The following DNAH14 variants were observed in gnomAD, a reference collection of about 807,000 sequenced individuals.
The protein encoded by DNAH14 is dynein axonemal heavy chain 14.
A neutral mutation model predicts 520.9 loss-of-function variants in DNAH14; 478 were observed. The observed-to-expected ratio is 0.92, with a 90% CI of 0.85 to 0.99. The LOEUF is 0.99. Ranked by LOEUF, DNAH14 falls within the 50% of genes least tolerant of loss-of-function variation. DNAH14 has a pLI of 0.00. For missense variants in DNAH14, 4,831 were observed against 5,234.5 expected, an observed-to-expected ratio of 0.92 and a Z score of 2.38; for synonymous variants, 1,581 against 1,757.2, an observed-to-expected ratio of 0.90 and a Z score of 2.51.
intron 28 of DNAH14, among the ~76,000 whole-genome samples, chr1:225,143,740 C>A (rs554250237): frequency 1.7e-4 from 26 of 152,148 alleles, no homozygotes; most frequent in Admixed American, 1.0e-3. Flanking sequence ...ACATAAAATT[C>A]TTTACAAAAT....
chr1:225,386,937 C>T (rs1448682652), intron 81 of DNAH14, among the ~76,000 whole-genome samples: 3 of 152,142 alleles, frequency 2.0e-5, no homozygotes, highest in South Asian at 2.1e-4. Flanking sequence ...CACATGCACA[C>T]GTATGTTTAT....
In DNAH14 at chr1:225,100,827, C is replaced by G. The variant is rs1408137310; in HGVS notation, c.3810C>G (p.Val1270=). Residue 1270 remains valine, a synonymous_variant, in exon 23 of 86, where the codon GTC becomes GTG. Coordinates refer to ENST00000682510, the MANE Select transcript of DNAH14 (RefSeq NM_001367479.1). The stretch of plus-strand genomic sequence containing the variant: ...TGCAGATAACCACTTCTGCAGGAGT[C>G]CTTGAAATTCTGCAAAATTGTAATA... ...NALQITTSAG[V]LEILQNCNIH... The G allele has an allele frequency of 6.5e-7, 1 of 1,530,862 alleles. No individual in the cohort carries two copies. Among genetic ancestry groups the G allele is most frequent in the Non-Finnish European group, 8.8e-7 (1 of 1,141,194 alleles). The allele number at this position is 1,530,862 out of a possible 1,614,324, so 94.8% of individuals were successfully genotyped here.
At chr1:225,322,890 C>A in intron 62 of DNAH14, 67 bp downstream of exon 62, 1 of 1,372,618 alleles carries the variant, frequency 7.3e-7, no homozygotes. Flanking sequence ...AGACCACCTG[C>A]CATCTAAATT....
At chr1:225,082,135 A>G (rs2073194956) in intron 19 of DNAH14, among the ~76,000 whole-genome samples, 1 of 148,840 alleles carries the variant, frequency 6.7e-6, no homozygotes, top group Admixed American at 6.8e-5. Flanking sequence ...AAATAAATAA[A>G]TACCCAGAAT....
chr1:225,295,159 G>A (rs778442652), intron 55 of DNAH14, among the ~76,000 whole-genome samples: 42 of 151,798 alleles, frequency 2.8e-4, no homozygotes, highest in Admixed American at 1.3e-4. Flanking sequence ...TTTTTAGTTT[G>A]TCTAACTAAT....
intron 31 of DNAH14, 149 bp from the exon 32 acceptor site, chr1:225,151,854 CTT>C (rs1421801829): frequency 1.3e-6 from 1 of 754,108 alleles, no homozygotes; most frequent in Admixed American, 2.1e-5. Flanking sequence ...CCTATTTCTT[CTT>C]TTTTCTCTCA....
At chr1:225,361,036 T>C in intron 75 of DNAH14, 145 bp downstream of exon 75, 1 of 757,930 alleles carries the variant, frequency 1.3e-6, no homozygotes, top group South Asian at 1.9e-5. Flanking sequence ...TATCTTATAT[T>C]GGTTTTCTTT....
chr1:225,018,745 T>C (rs758286157), intron 10 of DNAH14, among the ~76,000 whole-genome samples: 1 of 152,128 alleles, frequency 6.6e-6, no homozygotes, highest in African/African-American at 2.4e-5. Context: ...AGAGGCCTAT[T>C]TTTAACATCC....
At chr1:225,155,945 A>G (rs2149115634) in intron 34 of DNAH14, among the ~76,000 whole-genome samples, 1 of 152,286 alleles carries the variant, frequency 6.6e-6, no homozygotes, top group Non-Finnish European at 1.5e-5. Context: ...AAAAATTAAT[A>G]TTAGACAATT....
intron 42 of DNAH14, among the ~76,000 whole-genome samples, chr1:225,235,403 G>A (rs1167892979): frequency 6.6e-6 from 1 of 152,052 alleles, no homozygotes; most frequent in African/African-American, 2.4e-5. Flanking sequence ...GCTTGATTAT[G>A]GTGGATAAGC....
At chr1:224,986,913 T>C (rs1178278245) in intron 8 of DNAH14, among the ~76,000 whole-genome samples, 2 of 152,206 alleles carry the variant, frequency 1.3e-5, no homozygotes, top group African/African-American at 4.8e-5. Flanking sequence ...GATGATATGA[T>C]CTTGTATTTG....
At chr1:224,973,937 A>G (rs1396285885) in intron 7 of DNAH14, among the ~76,000 whole-genome samples, 154 bp from the exon 8 acceptor site, 1 of 152,182 alleles carries the variant, frequency 6.6e-6, no homozygotes, top group Non-Finnish European at 1.5e-5. Context: ...AGTTTGGGAG[A>G]AAATTTATAT....
intron 8 of DNAH14, among the ~76,000 whole-genome samples, chr1:224,985,461 T>C (rs1024463505): frequency 7.2e-6 from 1 of 139,586 alleles, no homozygotes; most frequent in East Asian, 2.0e-4. Context: ...TGGGGACTTG[T>C]GGGGGAAGAG....
chr1:225,053,681 G>A (rs1210774448), intron 17 of DNAH14, among the ~76,000 whole-genome samples: 3 of 152,166 alleles, frequency 2.0e-5, no homozygotes, highest in African/African-American at 4.8e-5. Context: ...TTGACTGAAT[G>A]TAAGGTATAA....
At chr1:224,984,988 A>G (rs977181451) in intron 8 of DNAH14, among the ~76,000 whole-genome samples, 2 of 152,172 alleles carry the variant, frequency 1.3e-5, no homozygotes, top group Non-Finnish European at 2.9e-5. Flanking sequence ...TGGATGCAGC[A>G]ATCAGGGAAC....
At chr1:225,210,388 G>A (rs2088213840) in intron 41 of DNAH14, among the ~76,000 whole-genome samples, 1 of 152,126 alleles carries the variant, frequency 6.6e-6, no homozygotes, top group Non-Finnish European at 1.5e-5. Context: ...GTAAACAAAG[G>A]AACTGGGAAG....
At position 225,346,674 on chromosome 1, in the gene DNAH14, C is replaced by T; in HGVS notation, c.11296+20C>T. 1 of 1,505,002 alleles carries T rather than the reference C, an allele frequency of 6.6e-7. No individual in the cohort carries two copies. Among genetic ancestry groups the T allele is most frequent in the Non-Finnish European group, 8.9e-7 (1 of 1,117,570 alleles). 93.2% of individuals were successfully genotyped at this position (1,505,002 alleles called of 1,614,324 possible). On this transcript the variant is annotated intron_variant, in intron 71 of 85. Transcript: ENST00000682510. ...TTACTAGTAAGTAAAAGTTACTATT[C>T]CGGATTCAGTAAAAGTCCATTAAAA...
intron 75 of DNAH14, 113 bp from the exon 76 acceptor site, chr1:225,364,679 T>C (rs2095531637): frequency 1.5e-6 from 1 of 665,390 alleles, no homozygotes; most frequent in Non-Finnish European, 2.4e-6. Flanking sequence ...AGTAAGATCT[T>C]CAGTATTAAA....
chr1:225,117,646 C>A, intron 23 of DNAH14, 38 bp from the exon 24 acceptor site: 1 of 1,212,832 alleles, frequency 8.2e-7, no homozygotes. Context: ...CATAATTAAG[C>A]ATATATTCTG....
Sources: allele counts gnomAD v4.1 joint callset (sites outside exome capture counted in the v4.1 genomes callset), GRCh38; gene constraint gnomAD v4.1.1; transcripts MANE v1.5; gene names NCBI Gene and HGNC (gene_info 2026-07-23, HGNC 2026-07-21).